Variants in PTCH1 observed in about 807,000 individuals in gnomAD.
PTCH1 encodes the protein protein patched homolog 1.
In PTCH1, 14 loss-of-function variants were observed where a neutral mutation model predicts 144.6. The ratio of observed to expected loss-of-function variants is 0.10; its 90% CI spans 0.06 to 0.15. PTCH1 has a LOEUF of 0.15. PTCH1 is among the 10% of genes least tolerant of loss of function. PTCH1 has a pLI of 1.00. For missense variants in PTCH1, 1,623 were observed against 1,948.3 expected (o/e 0.83, Z 3.14); for synonymous variants, 833 against 793.6 (o/e 1.05, Z -0.83).
intron 12 of PTCH1, among the ~76,000 whole-genome samples, chr9:95,475,820 A>T (rs1840985571): frequency 6.6e-6 from 1 of 152,168 alleles, no homozygotes; most frequent in South Asian, 2.1e-4. Flanking sequence ...GCTAGAAAGG[A>T]AGGAAAAACT....
intron 18 of PTCH1, 39 bp downstream of exon 18, chr9:95,457,974 G>A (rs1564018921): frequency 6.2e-7 from 1 of 1,612,856 alleles, no homozygotes; most frequent in Admixed American, 1.7e-5. Flanking sequence ...TATGCTGAAA[G>A]GAATTTGACT....
chr9:95,505,897 C>A (rs1233156071), intron 2 of PTCH1, among the ~76,000 whole-genome samples: 6 of 148,732 alleles, frequency 4.0e-5, no homozygotes, highest in African/African-American at 1.5e-4. Flanking sequence ...CCCCGGCCCT[C>A]CCCAGCGCGG....
intron 12 of PTCH1, 134 bp from the exon 13 acceptor site, chr9:95,470,065 T>C: frequency 1.4e-6 from 1 of 740,242 alleles, no homozygotes. Context: ...CCGTGACAGA[T>C]GTTAAGAGTT....
chr9:95,508,858 C>T lies in PTCH1; in HGVS notation c.-497G>A. ...GGCGCCTCCCGGGTCGCCCGAGCGG[C>T]CGCGGAGGGCAAGCGCAGAGCCGCC... On this transcript the variant is annotated 5_prime_UTR_variant, in exon 1 of 24. Coordinates refer to ENST00000331920, the MANE Select transcript of PTCH1 (RefSeq NM_000264.5). 1.0e-6 allele frequency: 1 copy of T among 981,328 alleles called. No homozygotes were observed. The highest frequency in any genetic ancestry group is 1.2e-6 in the Non-Finnish European group (1 of 827,210). The allele number at this position is 981,328 out of a possible 1,614,324, so 60.8% of individuals were successfully genotyped here. A position where few individuals can be genotyped will look rare whatever the true frequency, so the allele number is the denominator to read the frequency against.
In PTCH1 at chr9:95,458,126, C is replaced by T; in HGVS notation, c.3055G>A (p.Glu1019Lys). 1 of 1,614,218 alleles carries T rather than the reference C, an allele frequency of 6.2e-7. No individual in the cohort carries two copies. The highest frequency in any genetic ancestry group is 8.5e-7 in the Non-Finnish European group (1 of 1,180,042). Reference sequence around the variant, plus strand: ...CAGTGGCGGAGGCCGATGTACTGCTCCCAGAAGAGGAAGGGGTAGCCGTTG... The same window carrying T: ...CAGTGGCGGAGGCCGATGTACTGCTTCCAGAAGAGGAAGGGGTAGCCGTTG... Reference protein sequence around the residue: ...YPNGYPFLFWEQYIGLRHWLL... With the variant: ...YPNGYPFLFWKQYIGLRHWLL... Residue 1019 changes from glutamate (E) to lysine (K), a missense_variant, in exon 18 of 24, where the codon GAG (glutamate) becomes AAG (lysine). Physicochemically the swap from Glu to Lys is moderately conservative, Grantham distance 56 (BLOSUM62 1). Coordinates refer to ENST00000331920, the MANE Select transcript of PTCH1 (RefSeq NM_000264.5). This position sits in a 1 kb window ranked among gnomAD's most constrained non-coding sequence, Gnocchi z 4.7.
At position 95,509,209 on chromosome 9, in the gene PTCH1, GA is replaced by G. The variant is rs570030840; in HGVS notation, c.-849del. Among the ~76,000 whole-genome samples, 1 of 120,896 alleles carries G rather than the reference GA, an allele frequency of 8.3e-6. No individual in the cohort carries two copies. The highest frequency in any genetic ancestry group is 1.6e-5 in the Non-Finnish European group (1 of 61,180). 79.3% of individuals were successfully genotyped at this position (120,896 alleles called of 152,430 possible). ...TGATTCAATAGATGAGATGGAAGAA[GA>G]AAAAAAAGAACTCTCTCCATTTGGA... On this transcript the variant is annotated 5_prime_UTR_variant, in exon 1 of 24. It introduces an in-frame stop codon into an upstream open reading frame of the 5' UTR. Coordinates refer to ENST00000331920, the MANE Select transcript of PTCH1 (RefSeq NM_000264.5).
rs764111126 is a variant in PTCH1 at position 95,458,091 on chromosome 9, C to G, written c.3090G>C (p.Leu1030=). The G allele has an allele frequency of 3.1e-6, 5 of 1,614,100 alleles. No homozygotes were observed. The highest frequency in any genetic ancestry group is 3.4e-6 in the Non-Finnish European group (4 of 1,180,050). The change falls in exon 18 of 24, where the codon CTG becomes CTC. Residue 1030 remains leucine (L), a synonymous_variant. Coordinates refer to ENST00000331920, the MANE Select transcript of PTCH1 (RefSeq NM_000264.5). The surrounding 1 kb of genome is among the most constrained non-coding windows in gnomAD (Gnocchi z 4.7). ...QYIGLRHWLL[L]FISVVLACTF... ...TGCAGGCCAACACCACGCTGATGAA[C>G]AGCAGCAGCCAGTGGCGGAGGCCGA...
At chr9:95,514,624 G>A (rs1321002764) in intron 1 of PTCH1, 1 of 127,354 alleles carries the variant, frequency 7.9e-6, no homozygotes. Context: ...AATAAAAGGT[G>A]TGTGTGTGTG....
At position 95,506,489 on chromosome 9, in the gene PTCH1, C is replaced by T. The variant is rs1166757525; in HGVS notation, c.312G>A (p.Val104=). The T allele has an allele frequency of 6.2e-7, 1 of 1,613,734 alleles. No individual in the cohort carries two copies. Among genetic ancestry groups the T allele is most frequent in the South Asian group, 1.1e-5 (1 of 91,016 alleles). Residue 104 remains valine (V), a synonymous_variant, in exon 2 of 24, where the codon GTG becomes GTA. Coordinates refer to ENST00000331920, the MANE Select transcript of PTCH1 (RefSeq NM_000264.5). ...CGAAGGCCCCAAATATGAGGAGGCC[C>T]ACAACCAAGAACTTGCCGCAGTTTT... The part of the protein sequence containing the change: ...IQKNCGKFLV[V]GLLIFGAFAV...
rs564857387 is a variant in PTCH1, at chr9:95,479,385, G to A, written c.1068-238C>T. Among the ~76,000 whole-genome samples the A allele has an allele frequency of 6.8e-4, 104 of 152,298 alleles. No homozygotes were observed. In the Middle Eastern group the frequency reaches 0.014, roughly 20 times the overall value. ...GATATACCCCAAAATTAAATTAATAGGCAATTTCCTTTCACAGTTTCCATT... is the reference window on the plus strand; with the variant it reads ...GATATACCCCAAAATTAAATTAATAAGCAATTTCCTTTCACAGTTTCCATT... On this transcript the variant is annotated intron_variant, in intron 7 of 23. Coordinates refer to ENST00000331920, the MANE Select transcript of PTCH1 (RefSeq NM_000264.5).
chr9:95,508,300 A>T lies in PTCH1; in HGVS notation c.62T>A (p.Ile21Asn), dbSNP rs1843904837. The T allele has an allele frequency of 2.1e-6, 3 of 1,446,450 alleles. No homozygotes were observed. The highest frequency in any genetic ancestry group is 2.7e-6 in the Non-Finnish European group (3 of 1,105,802). The allele number at this position is 1,446,450 out of a possible 1,614,324, so 89.6% of individuals were successfully genotyped here. ...TCCAGCCGGCCGTCCCGGGGCACCGATACAGCCGCTGCCGCCGCCGCCGCG... is the reference window on the plus strand; with the variant it reads ...TCCAGCCGGCCGTCCCGGGGCACCGTTACAGCCGCTGCCGCCGCCGCCGCG... Reference protein sequence around the residue: ...QDRGGGGSGCIGAPGRPAGGG... With the variant: ...QDRGGGGSGCNGAPGRPAGGG... The change falls in exon 1 of 24, where the codon ATC (isoleucine) becomes AAC (asparagine). Residue 21 changes from isoleucine to asparagine, a missense_variant. Ile to Asn is a moderately radical substitution (Grantham distance 149). Coordinates refer to ENST00000331920, the MANE Select transcript of PTCH1 (RefSeq NM_000264.5).
Position 95,467,428 on chromosome 9 carries a change from G to A in PTCH1, c.2251-3C>T. ...AGAAAAAGGAAGATCACCACTACCT[G>A]GAACAGAAGAGGCACAAGGTCAGAC... is the stretch of plus-strand genomic sequence containing the variant. On this transcript the variant is annotated splice_polypyrimidine_tract_variant and splice_region_variant and intron_variant, in intron 14 of 23. Coordinates refer to ENST00000331920, the MANE Select transcript of PTCH1 (RefSeq NM_000264.5). 6.2e-7 allele frequency: 1 copy of A among 1,613,814 alleles called. No homozygotes were observed. Among genetic ancestry groups the A allele is most frequent in the Non-Finnish European group, 8.5e-7 (1 of 1,179,968 alleles).
chr9:95,465,888 A>G (rs1254903211), intron 15 of PTCH1, among the ~76,000 whole-genome samples: 1 of 152,192 alleles, frequency 6.6e-6, no homozygotes, highest in African/African-American at 2.4e-5. Flanking sequence ...TTGGCTTTGC[A>G]TGTGTCAATG....
Position 95,475,979 on chromosome 9 carries a change from C to G in PTCH1, c.1728+55G>C, listed in dbSNP as rs1840994984. The G allele has an allele frequency of 5.0e-6, 8 of 1,610,980 alleles. No individual in the cohort carries two copies. In the East Asian group the frequency reaches 1.6e-4, roughly 31 times the overall value. On this transcript the variant is annotated intron_variant, in intron 12 of 23. Coordinates refer to ENST00000331920, the MANE Select transcript of PTCH1 (RefSeq NM_000264.5). ...TAGCAGAGACCGCAGACATGGGATG[C>G]TGGAAGTCAGTGCCCCGTTCAGGAT...
chr9:95,455,849 C>T (rs1362885459), intron 19 of PTCH1, among the ~76,000 whole-genome samples: 1 of 152,206 alleles, frequency 6.6e-6, no homozygotes, highest in East Asian at 1.9e-4. Flanking sequence ...CATCCCCAAG[C>T]CTGTGAGTGT....
intron 12 of PTCH1, among the ~76,000 whole-genome samples, chr9:95,473,626 C>A (rs1840777714): frequency 6.6e-6 from 1 of 151,272 alleles, no homozygotes; most frequent in Non-Finnish European, 1.5e-5. Context: ...CTCACCGCAA[C>A]CTCCGCCTCC....
rs1042372366 is a variant in PTCH1 at position 95,456,182 on chromosome 9, C to T, written c.3306+94G>A. ...CCTGAGGCCTTTTCACTGCCACGCA[C>T]AGGGAGAATGCAAGGTTCCCACTTG... On this transcript the variant is annotated intron_variant, in intron 19 of 23. Coordinates refer to ENST00000331920, the MANE Select transcript of PTCH1 (RefSeq NM_000264.5). The T allele has an allele frequency of 9.7e-6, 15 of 1,543,644 alleles. No individual in the cohort carries two copies. In the African/African-American group the frequency reaches 1.4e-4, roughly 15 times the overall value.
chr9:95,465,147 C>A (rs774143596), intron 15 of PTCH1, among the ~76,000 whole-genome samples: 1 of 152,122 alleles, frequency 6.6e-6, no homozygotes, highest in Non-Finnish European at 1.5e-5. Flanking sequence ...TAGAGATGAT[C>A]TACAATGCTC....
chr9:95,474,074 A>G (rs746188389), intron 12 of PTCH1: 15 of 502,888 alleles, frequency 3.0e-5, no homozygotes, highest in Non-Finnish European at 5.5e-5. Context: ...AACCTCATGT[A>G]GCTTTTCAGA....
Sources: allele counts gnomAD v4.1 joint callset (sites outside exome capture counted in the v4.1 genomes callset), GRCh38; gene constraint gnomAD v4.1.1; non-coding constraint Gnocchi (gnomAD v3.1); transcripts MANE v1.5; gene names NCBI Gene and HGNC (gene_info 2026-07-23, HGNC 2026-07-21).